NELL1: variants seen among roughly 807,000 people sequenced by gnomAD.
The protein encoded by NELL1 is neural EGFL like 1, also known as protein kinase C-binding protein NELL1.
NELL1 carries 76 observed loss-of-function variants against 107.4 expected under a neutral mutation model. That is an observed-to-expected ratio of 0.71 (90% CI 0.59 to 0.86). NELL1 has a LOEUF of 0.86. NELL1 is among the 40% of genes least tolerant of loss of function. The probability of loss-of-function intolerance (pLI) is 0.00; values close to 1 mark genes in which losing one functional copy is unlikely to be tolerated. For synonymous variants in NELL1, 353 were observed against 341.2 expected, an observed-to-expected ratio of 1.03 and a Z score of -0.38; for missense variants, 1,024 against 1,005.5, an observed-to-expected ratio of 1.02 and a Z score of -0.25.
chr11:20,843,295 A>G (rs1208651636), intron 3 of NELL1, among the ~76,000 whole-genome samples: 1 of 152,124 alleles, frequency 6.6e-6, no homozygotes, highest in Non-Finnish European at 1.5e-5. Context: ...GGGCCACAGA[A>G]AAATCATTGT....
chr11:21,158,529 A>C (rs1216318890), intron 13 of NELL1, among the ~76,000 whole-genome samples: 1 of 152,178 alleles, frequency 6.6e-6, no homozygotes, highest in Admixed American at 6.5e-5. Flanking sequence ...AATCATTTGA[A>C]TGTTAGATGT....
At chr11:21,278,048 TAAA>T (rs36110638) in intron 14 of NELL1, among the ~76,000 whole-genome samples, 1 of 151,362 alleles carries the variant, frequency 6.6e-6, no homozygotes, top group Non-Finnish European at 1.5e-5. Context: ...TGAAGTATAA[TAAA>T]AAAAAAAGAA....
intron 15 of NELL1, among the ~76,000 whole-genome samples, chr11:21,445,880 TC>T (rs1403363506): frequency 1.3e-5 from 2 of 152,210 alleles, no homozygotes; most frequent in Admixed American, 1.3e-4. Flanking sequence ...TATGATACTT[TC>T]TCCTGAATAG....
intron 13 of NELL1, among the ~76,000 whole-genome samples, chr11:21,128,817 A>G (rs1173212909): frequency 1.3e-5 from 2 of 152,202 alleles, no homozygotes; most frequent in African/African-American, 4.8e-5. Flanking sequence ...TTACCCTGTA[A>G]TGCTTTTCTT....
At chr11:20,946,594 A>G (rs1285904454) in intron 10 of NELL1, among the ~76,000 whole-genome samples, 1 of 152,146 alleles carries the variant, frequency 6.6e-6, no homozygotes, top group Admixed American at 6.5e-5. Context: ...TCCTGCCTAC[A>G]TGCCTTGGCT....
chr11:21,511,589 G>A (rs1855437434), intron 15 of NELL1, among the ~76,000 whole-genome samples: 2 of 152,182 alleles, frequency 1.3e-5, no homozygotes, highest in South Asian at 4.1e-4. Flanking sequence ...GATTAGGGAG[G>A]CTGAAAAGAT....
chr11:20,810,853 G>GT (rs202026980), intron 3 of NELL1, among the ~76,000 whole-genome samples: 11,555 of 148,098 alleles, frequency 0.078, 493 homozygotes, highest in Middle Eastern at 0.18. Flanking sequence ...AAGTAACTGG[G>GT]TTTTTTTTTT....
intron 13 of NELL1, among the ~76,000 whole-genome samples, chr11:21,116,897 C>G (rs1196074161): frequency 6.6e-6 from 1 of 151,996 alleles, no homozygotes; most frequent in African/African-American, 2.4e-5. Context: ...TCATACAACT[C>G]TACTTAAAAC....
intron 12 of NELL1, among the ~76,000 whole-genome samples, chr11:20,982,404 T>A (rs1398254663): frequency 1.3e-5 from 2 of 152,164 alleles, no homozygotes; most frequent in South Asian, 2.1e-4. Context: ...AATGATGATA[T>A]GATTGAGAAT....
At chr11:21,046,733 C>T (rs1490790520) in intron 12 of NELL1, among the ~76,000 whole-genome samples, 1 of 150,596 alleles carries the variant, frequency 6.6e-6, no homozygotes, top group African/African-American at 2.4e-5. Context: ...GGCAGGGTCT[C>T]ACTCTGTCAC....
At chr11:20,829,218 G>A (rs1056950223) in intron 3 of NELL1, among the ~76,000 whole-genome samples, 1 of 150,120 alleles carries the variant, frequency 6.7e-6, no homozygotes, top group Non-Finnish European at 1.5e-5. Flanking sequence ...CCTTGCTGCA[G>A]GACTATTTTT....
At chr11:20,707,424 C>T (rs1363501111) in intron 2 of NELL1, among the ~76,000 whole-genome samples, 1 of 152,200 alleles carries the variant, frequency 6.6e-6, no homozygotes, top group Non-Finnish European at 1.5e-5. Flanking sequence ...GAGCTGCATT[C>T]CTTTGGAGGA....
At chr11:21,364,962 C>T (rs889232278) in intron 14 of NELL1, among the ~76,000 whole-genome samples, 2 of 152,174 alleles carry the variant, frequency 1.3e-5, no homozygotes, top group Non-Finnish European at 2.9e-5. Context: ...AAGTACCTTT[C>T]CTCAGGACAA....
chr11:20,878,539 T>C (rs1849350853), intron 4 of NELL1, among the ~76,000 whole-genome samples: 2 of 152,126 alleles, frequency 1.3e-5, no homozygotes, highest in African/African-American at 4.8e-5. Flanking sequence ...GAGGAGTTTA[T>C]CTTGTTCTTT....
In NELL1 at chr11:21,161,149, AC is replaced by A. The variant is rs551312518; in HGVS notation, c.1426+47436del. Among the ~76,000 whole-genome samples the A allele has an allele frequency of 9.2e-4, 140 of 152,026 alleles. 2 individuals are homozygous for A. The highest frequency in any genetic ancestry group is 3.3e-3 in the African/African-American group (137 of 41,468). ...AAGAGCTCATCTCAAAGCACCTTCCACTCTGCTTTCTGACCCTCTGTGATCA... is the reference window on the plus strand; with the variant it reads ...AAGAGCTCATCTCAAAGCACCTTCCATCTGCTTTCTGACCCTCTGTGATCA... On this transcript the variant is annotated intron_variant, in intron 13 of 19. Transcript: ENST00000357134.
intron 13 of NELL1, among the ~76,000 whole-genome samples, chr11:21,120,875 C>CT (rs1023793234): frequency 2.0e-5 from 3 of 152,098 alleles, no homozygotes; most frequent in African/African-American, 2.4e-5. Flanking sequence ...GAATTTCTCT[C>CT]TTTTTTTCTT....
At chr11:21,164,852 C>T (rs1359039100) in intron 13 of NELL1, among the ~76,000 whole-genome samples, 1 of 152,164 alleles carries the variant, frequency 6.6e-6, no homozygotes, top group Admixed American at 6.5e-5. Context: ...TAAATACCTA[C>T]ATTTAATTGC....
intron 2 of NELL1, among the ~76,000 whole-genome samples, chr11:20,706,677 A>T (rs1295477697): frequency 2.0e-5 from 3 of 148,194 alleles, no homozygotes; most frequent in African/African-American, 7.4e-5. Flanking sequence ...ATAACAAAAT[A>T]AAAAAAAAAG....
In NELL1 at chr11:21,477,333, C is replaced by G. The variant is rs143116543; in HGVS notation, c.1646-57041C>G. 5.7e-3 allele frequency among the ~76,000 whole-genome samples: 866 copies of G among 151,392 alleles called. 11 individuals are homozygous for G. Among genetic ancestry groups the G allele is most frequent in the African/African-American group, 0.02 (828 of 41,354 alleles). On this transcript the variant is annotated intron_variant, in intron 15 of 19. Transcript: ENST00000357134. ...CATTCCAGCTCCTGGGAGCTTAGCA[C>G]AGAGAGAGAGAGAGACTCAATTTAT...
Sources: gnomAD v4.1 joint callset for allele counts (sites outside exome capture counted in the v4.1 genomes callset) on GRCh38, gnomAD v4.1.1 for gene constraint, MANE v1.5 for transcripts, NCBI Gene and HGNC (gene_info 2026-07-23, HGNC 2026-07-21) for gene names.